The following UNC13A variants were observed in gnomAD, a reference collection of about 807,000 sequenced individuals.
The protein encoded by UNC13A is unc-13 homolog A.
Under a neutral mutation model 219.7 loss-of-function variants are expected in UNC13A, and 61 were observed. The observed-to-expected ratio is 0.28, with a 90% CI of 0.23 to 0.34. The LOEUF (loss-of-function observed/expected upper bound fraction) is 0.34. UNC13A is among the 10% of genes least tolerant of loss of function. The pLI, the probability that UNC13A is intolerant of heterozygous loss-of-function variation, is 1.00. For missense variants in UNC13A, 1,476 were observed against 2,270.3 expected (o/e 0.65, Z 7.11); for synonymous variants, 920 against 884.6 (o/e 1.04, Z -0.71).
At position 17,627,839 on chromosome 19, in the gene UNC13A, AGCCCTGCCTCG is replaced by A. The variant is rs774683514; in HGVS notation, c.3831+13_3831+23del. 2.3e-5 allele frequency: 36 copies of A among 1,581,724 alleles called. No homozygotes were observed. The highest frequency in any genetic ancestry group is 3.4e-5 in the South Asian group (3 of 88,644). On this transcript the variant is annotated intron_variant, in intron 32 of 43. Coordinates refer to ENST00000519716, the MANE Select transcript of UNC13A (RefSeq NM_001080421.3). The surrounding 1 kb of genome is among the most constrained non-coding windows in gnomAD (Gnocchi z 4.7). ...GGTGGGGGTGCCCCATCCCTTCTCCAGCCCTGCCTCGGCCCTGCCTCACCTCCTTTCCTCCC... is the reference window on the plus strand; with the variant it reads ...GGTGGGGGTGCCCCATCCCTTCTCCAGCCCTGCCTCACCTCCTTTCCTCCC...
chr19:17,615,398 G>A (rs1206414258), intron 41 of UNC13A, among the ~76,000 whole-genome samples: 4 of 151,392 alleles, frequency 2.6e-5, no homozygotes, highest in Non-Finnish European at 4.4e-5. Flanking sequence ...AAATGGCCAG[G>A]CGCTGGGATT....
At chr19:17,616,474 G>A in intron 41 of UNC13A, 2 of 692,296 alleles carry the variant, frequency 2.9e-6, no homozygotes, top group African/African-American at 1.8e-5. Context: ...ACTAATTGGG[G>A]GTGGGGGTGG....
chr19:17,620,192 A>G (rs2076712951), intron 38 of UNC13A, among the ~76,000 whole-genome samples: 3 of 151,852 alleles, frequency 2.0e-5, no homozygotes. Flanking sequence ...GGGGCTGAGT[A>G]TTGAGGTAAC....
chr19:17,658,980 A>G (rs2079507487), intron 8 of UNC13A, among the ~76,000 whole-genome samples: 1 of 147,888 alleles, frequency 6.8e-6, no homozygotes, highest in South Asian at 2.1e-4. Context: ...TCTAAATCCT[A>G]AAAAAAAAAA....
chr19:17,684,306 A>G (rs2080070138), intron 1 of UNC13A, among the ~76,000 whole-genome samples: 1 of 152,068 alleles, frequency 6.6e-6, no homozygotes, highest in African/African-American at 2.4e-5. Context: ...GGCTTCCCAG[A>G]GGAAGAGAGC....
At chr19:17,643,677 T>C (rs2076994464) in intron 19 of UNC13A, among the ~76,000 whole-genome samples, 1 of 152,014 alleles carries the variant, frequency 6.6e-6, no homozygotes, top group South Asian at 2.1e-4. Context: ...TAGGCTTGAG[T>C]CTCCCTGTTT....
intron 20 of UNC13A, among the ~76,000 whole-genome samples, chr19:17,641,769 C>T (rs1398961344): frequency 6.6e-6 from 1 of 152,008 alleles, no homozygotes; most frequent in Admixed American, 6.6e-5. Context: ...ACCACACATC[C>T]ATCCATCCAT....
Position 17,630,174 on chromosome 19 carries a change from C to G in UNC13A, c.3640G>C (p.Val1214Leu). Residue 1214 changes from valine (V) to leucine (L), a missense_variant, in exon 30 of 44, where the codon GTG becomes CTG. Val to Leu is a conservative substitution (Grantham distance 32). Coordinates refer to ENST00000519716, the MANE Select transcript of UNC13A (RefSeq NM_001080421.3). ...KKLECPDPQI[V>L]GHYMRRFAKT... ...GCAAAGCGCCTCATGTAGTGCCCCA[C>G]GATCTGAGGGTCGGGACACTCGAGT... 4 of 1,552,098 alleles carry G rather than the reference C, an allele frequency of 2.6e-6. No homozygotes were observed.
At chr19:17,656,664 C>A (rs112469656) in intron 9 of UNC13A, among the ~76,000 whole-genome samples, 1 of 151,954 alleles carries the variant, frequency 6.6e-6, no homozygotes, top group Non-Finnish European at 1.5e-5. Flanking sequence ...CCAGCCTGGC[C>A]AACATGGTGA....
intron 4 of UNC13A, among the ~76,000 whole-genome samples, chr19:17,671,540 G>A (rs2079788043): frequency 6.6e-6 from 1 of 152,144 alleles, no homozygotes; most frequent in Non-Finnish European, 1.5e-5. Flanking sequence ...GGAGGCTGAG[G>A]TGGGTGGATT....
At position 17,642,056 on chromosome 19, in the gene UNC13A, C is replaced by CCA. The variant is rs397781442; in HGVS notation, c.2473-501_2473-500insTG. 2.4e-3 allele frequency among the ~76,000 whole-genome samples: 358 copies of CCA among 152,000 alleles called. 2 individuals are homozygous for CCA. In the Middle Eastern group the frequency reaches 0.024, roughly 10 times the overall value. On this transcript the variant is annotated intron_variant, in intron 20 of 43. Transcript: ENST00000519716. ...TACATCCATCCATCCATCCATCCATCTACCTATCTACCCATCTGACTATCA... is the reference window on the plus strand; with the variant it reads ...TACATCCATCCATCCATCCATCCATCCATACCTATCTACCCATCTGACTATCA...
intron 43 of UNC13A, among the ~76,000 whole-genome samples, chr19:17,607,648 A>G (rs1179695227): frequency 6.6e-6 from 1 of 152,046 alleles, no homozygotes; most frequent in Middle Eastern, 3.4e-3. Context: ...CAGTGGCACA[A>G]TCATAGCTCA....
chr19:17,626,684 G>A lies in UNC13A; in HGVS notation c.4022C>T (p.Ala1341Val). 1 of 1,591,154 alleles carries A rather than the reference G, an allele frequency of 6.3e-7. No homozygotes were observed. Among genetic ancestry groups the A allele is most frequent in the Non-Finnish European group, 8.6e-7 (1 of 1,168,544 alleles). ...NVPASACSSV[A>V]QDADNVLQPI... is the part of the protein sequence containing the mutation. ...CTGCAACACATTGTCCGCGTCCTGG[G>A]CCACGCTGCTGCAGGCACTGGCTGG... Residue 1341 changes from alanine to valine, a missense_variant, in exon 34 of 44, where the codon GCC becomes GTC. Around this residue, in one of 14 missense-constraint regions of UNC13A, gnomAD observed 218 missense variants for 409.4 expected, o/e 0.53. Coordinates refer to ENST00000519716, the MANE Select transcript of UNC13A (RefSeq NM_001080421.3).
chr19:17,612,005 T>A (rs2076609728), intron 41 of UNC13A, 150 bp from the exon 42 acceptor site: 1 of 597,622 alleles, frequency 1.7e-6, no homozygotes, highest in African/African-American at 1.8e-5. Context: ...GGATGGGAGG[T>A]GCTCTTGGGA....
intron 29 of UNC13A, 118 bp downstream of exon 29, chr19:17,630,536 G>C (rs1314473617): frequency 1.6e-6 from 2 of 1,250,088 alleles, no homozygotes; most frequent in Non-Finnish European, 2.3e-6. Context: ...TAAAAACCAT[G>C]AGCAAGACAA....
intron 43 of UNC13A, among the ~76,000 whole-genome samples, chr19:17,609,587 C>T (rs1367267515): frequency 6.6e-6 from 1 of 152,126 alleles, no homozygotes; most frequent in Non-Finnish European, 1.5e-5. Flanking sequence ...CTGCCACCCT[C>T]ATTCCTTCAC....
intron 16 of UNC13A, 30 bp downstream of exon 16, chr19:17,648,401 C>G (rs1045913262): frequency 2.0e-6 from 3 of 1,513,370 alleles, no homozygotes; most frequent in South Asian, 2.5e-5. Flanking sequence ...CACGCCAACC[C>G]GTGGCCCTGC....
intron 7 of UNC13A, 25 bp downstream of exon 7, chr19:17,666,625 C>A: frequency 6.8e-7 from 1 of 1,465,632 alleles, no homozygotes; most frequent in South Asian, 1.5e-5. Context: ...AGCTGATACC[C>A]AAGGAAGAAT....
chr19:17,611,908 C>T, intron 41 of UNC13A, 53 bp from the exon 42 acceptor site: 2 of 1,507,852 alleles, frequency 1.3e-6, no homozygotes, highest in Non-Finnish European at 1.8e-6. Context: ...TTCCCACCCA[C>T]CAGGAGGGAC....
Sources: gnomAD v4.1 joint callset for allele counts (sites outside exome capture counted in the v4.1 genomes callset) on GRCh38, gnomAD v4.1.1 for gene constraint, gnomAD v4.1.1 regional missense constraint, Gnocchi (gnomAD v3.1) non-coding constraint, MANE v1.5 for transcripts, NCBI Gene and HGNC (gene_info 2026-07-23, HGNC 2026-07-21) for gene names.